TRPV3: variants seen among roughly 807,000 people sequenced by gnomAD.
TRPV3 encodes the protein VRL-3.
TRPV3 carries 88 observed loss-of-function variants against 87.1 expected under a neutral mutation model. The ratio of observed to expected loss-of-function variants is 1.01; its 90% CI spans 0.85 to 1.21. The LOEUF is 1.21. Ranked by LOEUF, TRPV3 falls within the 50% of genes most tolerant of loss-of-function variation. The pLI is 0.00. For synonymous variants in TRPV3, 438 were observed against 423.3 expected (o/e 1.03, Z -0.43); for missense variants, 1,054 against 1,030.1 (o/e 1.02, Z -0.32).
At chr17:3,520,905 T>G in intron 14 of TRPV3, 68 bp downstream of exon 14, 7 of 1,113,454 alleles carry the variant, frequency 6.3e-6, no homozygotes, top group Non-Finnish European at 9.3e-6. Flanking sequence ...GCCATGCACT[T>G]TGCCATTTTG....
At chr17:3,521,363 G>A (rs1011828181) in intron 13 of TRPV3, among the ~76,000 whole-genome samples, 3 of 152,174 alleles carry the variant, frequency 2.0e-5, no homozygotes, top group African/African-American at 2.4e-5. Flanking sequence ...AGAAGAGCTC[G>A]CAAGAGCTGA....
intron 15 of TRPV3, among the ~76,000 whole-genome samples, chr17:3,517,182 T>C (rs1279055326): frequency 1.3e-5 from 2 of 151,984 alleles, no homozygotes; most frequent in African/African-American, 4.8e-5. Flanking sequence ...GCTTCCTATC[T>C]GAAAGTGCTG....
At chr17:3,524,947 C>T (rs1257121804) in intron 12 of TRPV3, among the ~76,000 whole-genome samples, 1 of 152,058 alleles carries the variant, frequency 6.6e-6, no homozygotes, top group Non-Finnish European at 1.5e-5. Context: ...ACAAAAACTG[C>T]CAATATCTAT....
intron 2 of TRPV3, among the ~76,000 whole-genome samples, chr17:3,549,043 C>T (rs57765834): frequency 0.081 from 12,299 of 152,178 alleles, 1,583 homozygotes; most frequent in African/African-American, 0.27. Context: ...GTAGTCGCTC[C>T]GCAACAACAG....
rs1374373540 is a variant in TRPV3 at position 3,511,592 on chromosome 17, G to A, written c.*2325C>T. 1.3e-5 allele frequency: 2 copies of A among 152,326 alleles called. No individual in the cohort carries two copies. The highest frequency in any genetic ancestry group is 3.9e-4 in the East Asian group (2 of 5,190). The allele number at this position is 152,326 out of a possible 1,614,324, so 9.4% of individuals were successfully genotyped here. A position where few individuals can be genotyped will look rare whatever the true frequency, so the allele number is the denominator to read the frequency against. On this transcript the variant is annotated 3_prime_UTR_variant, in exon 18 of 18. Transcript: ENST00000576742. Reference sequence around the variant, plus strand: ...TTTTGGCTGAAAGCCTTTTGGGGTGGACACTGTTGGGAAGAATATCCAATA... The same window carrying A: ...TTTTGGCTGAAAGCCTTTTGGGGTGAACACTGTTGGGAAGAATATCCAATA...
chr17:3,514,583 G>A lies in TRPV3; in HGVS notation c.2278+10C>T, dbSNP rs112791047. The A allele has an allele frequency of 2.2e-3, 3,583 of 1,609,186 alleles. 76 individuals are homozygous for A. The African/African-American group carries it at 0.038, about 17-fold the overall frequency. On this transcript the variant is annotated intron_variant, in intron 17 of 17. Coordinates refer to ENST00000576742, the MANE Select transcript of TRPV3 (RefSeq NM_145068.4). ...GGAGCGGACACCATGTCACCTCACAGCGACAGTACCTGTTCGTCTTACAGG... is the reference window on the plus strand; with the variant it reads ...GGAGCGGACACCATGTCACCTCACAACGACAGTACCTGTTCGTCTTACAGG...
chr17:3,525,511 T>A (rs770806746), intron 12 of TRPV3, among the ~76,000 whole-genome samples: 2 of 152,224 alleles, frequency 1.3e-5, no homozygotes, highest in African/African-American at 4.8e-5. Context: ...CGAAAACAGT[T>A]CTAAAGACTG....
intron 16 of TRPV3, 79 bp downstream of exon 16, chr17:3,516,378 C>G: frequency 1.8e-6 from 2 of 1,142,136 alleles, no homozygotes; most frequent in Non-Finnish European, 2.7e-6. Flanking sequence ...GGCACTGTTT[C>G]TCTAACATCC....
intron 13 of TRPV3, among the ~76,000 whole-genome samples, chr17:3,523,657 G>T (rs955233089): frequency 1.5e-4 from 23 of 150,790 alleles, no homozygotes; most frequent in African/African-American, 5.6e-4. Flanking sequence ...GGCAGAGGTT[G>T]CAGGGAGCCG....
At chr17:3,542,768 T>G (rs1597487027) in intron 5 of TRPV3, 70 bp from the exon 6 acceptor site, 2 of 1,526,826 alleles carry the variant, frequency 1.3e-6, no homozygotes, top group Non-Finnish European at 1.8e-6. Flanking sequence ...GCCCAGAGGG[T>G]GTGGTTGCTG....
In TRPV3 at chr17:3,518,611, C is replaced by G. The variant is rs762399867; in HGVS notation, c.2050G>C (p.Val684Leu). The G allele has an allele frequency of 1.3e-5, 21 of 1,569,288 alleles. No individual in the cohort carries two copies. The highest frequency in any genetic ancestry group is 1.8e-5 in the Non-Finnish European group (21 of 1,155,892). The part of the protein sequence containing the change: ...IALMGETVEN[V>L]SKESERIWRL... ...CAGATGCGTTCGCTCTCCTTGGAGA[C>G]GTTCTCCACAGTCTCGCCCATCAGA... Residue 684 changes from valine (V) to leucine (L), a missense_variant, in exon 15 of 18, where the codon GTC becomes CTC. Physicochemically the swap from Val to Leu is conservative, Grantham distance 32 (BLOSUM62 1). Coordinates refer to ENST00000576742, the MANE Select transcript of TRPV3 (RefSeq NM_145068.4). The surrounding 1 kb of genome is among the most constrained non-coding windows in gnomAD (Gnocchi z 4.3).
intron 1 of TRPV3, among the ~76,000 whole-genome samples, chr17:3,555,138 C>T (rs1226607416): frequency 1.3e-5 from 2 of 152,172 alleles, no homozygotes; most frequent in African/African-American, 4.8e-5. Context: ...ATGACACCCT[C>T]CCCAGCCAAC....
intron 6 of TRPV3, among the ~76,000 whole-genome samples, chr17:3,540,311 G>A (rs962721505): frequency 6.6e-6 from 1 of 152,036 alleles, no homozygotes; most frequent in Non-Finnish European, 1.5e-5. Context: ...AGGAAGGAAG[G>A]CACCAGCGGA....
At chr17:3,533,223 C>G (rs557822171) in intron 7 of TRPV3, among the ~76,000 whole-genome samples, 1 of 152,186 alleles carries the variant, frequency 6.6e-6, no homozygotes, top group Non-Finnish European at 1.5e-5. Context: ...GTTCCAATGA[C>G]AGCCCACAAA....
chr17:3,554,734 C>T lies in TRPV3; in HGVS notation c.117G>A (p.Lys39=), dbSNP rs750258164. The change falls in exon 2 of 18, where the codon AAG becomes AAA. Residue 39 remains lysine, a splice_region_variant and synonymous_variant. Coordinates refer to ENST00000576742, the MANE Select transcript of TRPV3 (RefSeq NM_145068.4). The part of the protein sequence containing the change: ...KRPAEITPTK[K]SAHFFLEIEG... ...TGTCCCGAGCTCTCCAAACCCACCTCTTCTTTGTGGGGGTGATCTCCGCCG... is the reference window on the plus strand; with the variant it reads ...TGTCCCGAGCTCTCCAAACCCACCTTTTCTTTGTGGGGGTGATCTCCGCCG... The T allele has an allele frequency of 3.1e-6, 5 of 1,606,664 alleles. No individual in the cohort carries two copies. Among genetic ancestry groups the T allele is most frequent in the Non-Finnish European group, 4.3e-6 (5 of 1,174,842 alleles).
intron 17 of TRPV3, chr17:3,514,267 C>A (rs1336142480): frequency 2.1e-6 from 1 of 485,670 alleles, no homozygotes; most frequent in Non-Finnish European, 3.7e-6. Flanking sequence ...TTAGTAGAGA[C>A]AAGGTGTCAC....
rs1039123934 is a variant in TRPV3 at position 3,532,799 on chromosome 17, T to C, written c.923A>G (p.Glu308Gly). Residue 308 changes from glutamate (E) to glycine (G), a missense_variant, in exon 8 of 18, where the codon GAG becomes GGG. Coordinates refer to ENST00000576742, the MANE Select transcript of TRPV3 (RefSeq NM_145068.4). Reference sequence around the variant, plus strand: ...AAAGTCATTCTGCGTCTTGAAGTCCTCGGCCACGGTCACCAGGGCGTGAAG... The same window carrying C: ...AAAGTCATTCTGCGTCTTGAAGTCCCCGGCCACGGTCACCAGGGCGTGAAG... The part of the protein sequence containing the change: ...NILHALVTVA[E>G]DFKTQNDFVK... The C allele has an allele frequency of 4.3e-6, 7 of 1,614,144 alleles. No individual in the cohort carries two copies. The highest frequency in any genetic ancestry group is 5.9e-6 in the Non-Finnish European group (7 of 1,180,052).
intron 12 of TRPV3, 123 bp from the exon 13 acceptor site, chr17:3,524,486 A>G: frequency 7.2e-6 from 9 of 1,250,984 alleles, no homozygotes; most frequent in Non-Finnish European, 9.9e-6. Flanking sequence ...GATGCTGAAG[A>G]GACCAGAATC....
At position 3,518,781 on chromosome 17, in the gene TRPV3, T is replaced by C; in HGVS notation, c.1880A>G (p.Asp627Gly). 6.2e-7 allele frequency: 1 copy of C among 1,614,176 alleles called. No homozygotes were observed. Among genetic ancestry groups the C allele is most frequent in the South Asian group, 1.1e-5 (1 of 91,072 alleles). ...KDCSSYGSFS[D>G]AVLELFKLTI... ...GAGCTTGAAGAGTTCCAGCACTGCGTCGCTGAAGCTGCCGTAGGAGCTGCA... is the reference window on the plus strand; with the variant it reads ...GAGCTTGAAGAGTTCCAGCACTGCGCCGCTGAAGCTGCCGTAGGAGCTGCA... Residue 627 changes from aspartate (D) to glycine (G), a missense_variant, in exon 15 of 18, where the codon GAC (aspartate) becomes GGC (glycine). Physicochemically the swap from Asp to Gly is moderately conservative, Grantham distance 94. Coordinates refer to ENST00000576742, the MANE Select transcript of TRPV3 (RefSeq NM_145068.4). The surrounding 1 kb of genome is among the most constrained non-coding windows in gnomAD (Gnocchi z 4.3).
Sources: allele counts gnomAD v4.1 joint callset (sites outside exome capture counted in the v4.1 genomes callset), GRCh38; gene constraint gnomAD v4.1.1; non-coding constraint Gnocchi (gnomAD v3.1); transcripts MANE v1.5; gene names NCBI Gene and HGNC (gene_info 2026-07-23, HGNC 2026-07-21).